The following DPYD variants were observed in gnomAD, a reference collection of about 807,000 sequenced individuals.
DPYD encodes the protein dihydropyrimidine dehydrogenase [NADP(+)].
In DPYD, 109 loss-of-function variants were observed where a neutral mutation model predicts 116.2. The observed-to-expected ratio is 0.94, with a 90% confidence interval of 0.80 to 1.10. DPYD has a LOEUF of 1.10. Among genes scored for constraint, DPYD ranks in the 50% least tolerant of loss-of-function variants. The pLI is 0.00. For synonymous variants in DPYD, 440 were observed against 432.0 expected (o/e 1.02, Z -0.23); for missense variants, 1,302 against 1,254.5 (o/e 1.04, Z -0.57).
chr1:97,349,005 G>A (rs11165844), intron 16 of DPYD, among the ~76,000 whole-genome samples: 1,743 of 152,230 alleles, frequency 0.011, 40 homozygotes, highest in African/African-American at 0.04. Flanking sequence ...ATATAACCTG[G>A]TGTCATTTTA....
intron 13 of DPYD, among the ~76,000 whole-genome samples, chr1:97,479,569 T>A (rs1482466519): frequency 6.6e-6 from 1 of 152,124 alleles, no homozygotes; most frequent in East Asian, 1.9e-4. Flanking sequence ...ACTAAAAAAG[T>A]TTGAAACATT....
intron 19 of DPYD, among the ~76,000 whole-genome samples, chr1:97,216,423 T>C (rs1195057893): frequency 1.3e-5 from 2 of 152,206 alleles, no homozygotes. Flanking sequence ...AGAACATTGA[T>C]GACGTGTTTT....
chr1:97,752,572 G>A (rs998827812), intron 3 of DPYD, among the ~76,000 whole-genome samples: 6 of 152,108 alleles, frequency 3.9e-5, no homozygotes, highest in African/African-American at 1.4e-4. Context: ...CACAGCTACA[G>A]CTGCAACACC....
intron 7 of DPYD, among the ~76,000 whole-genome samples, chr1:97,687,087 A>G (rs1385036919): frequency 6.6e-6 from 1 of 152,172 alleles, no homozygotes; most frequent in Non-Finnish European, 1.5e-5. Context: ...CCTGGCCAAC[A>G]TGGTAAAATC....
At chr1:97,300,444 TA>T (rs905400784) in intron 18 of DPYD, among the ~76,000 whole-genome samples, 26 of 152,090 alleles carry the variant, frequency 1.7e-4, no homozygotes, top group African/African-American at 5.3e-4. Context: ...GATTGACACA[TA>T]AAAAAATCCA....
At chr1:97,396,459 T>A (rs867217628) in intron 14 of DPYD, among the ~76,000 whole-genome samples, 1 of 152,062 alleles carries the variant, frequency 6.6e-6, no homozygotes, top group Non-Finnish European at 1.5e-5. Flanking sequence ...GCTAACCTTA[T>A]TTATATGATC....
chr1:97,452,553 C>T, intron 13 of DPYD, among the ~76,000 whole-genome samples: 1 of 152,034 alleles, frequency 6.6e-6, no homozygotes, highest in East Asian at 1.9e-4. Flanking sequence ...TATACCCCAC[C>T]CAAATCTCAT....
At chr1:97,493,741 C>T (rs984541897) in intron 13 of DPYD, among the ~76,000 whole-genome samples, 1 of 152,110 alleles carries the variant, frequency 6.6e-6, no homozygotes, top group African/African-American at 2.4e-5. Context: ...AAAAGAGGCC[C>T]ACAGCAAACC....
chr1:97,839,578 T>C (rs961267326), intron 2 of DPYD, among the ~76,000 whole-genome samples: 1 of 152,158 alleles, frequency 6.6e-6, no homozygotes, highest in Non-Finnish European at 1.5e-5. Flanking sequence ...TCCAAAAACT[T>C]CTCAATATTA....
intron 14 of DPYD, among the ~76,000 whole-genome samples, chr1:97,438,185 A>T (rs962370801): frequency 5.3e-5 from 8 of 152,002 alleles, no homozygotes; most frequent in Non-Finnish European, 1.0e-4. Flanking sequence ...TTTGTTCTTT[A>T]TCAATTGTTT....
At chr1:97,852,097 T>G (rs1359041336) in intron 2 of DPYD, among the ~76,000 whole-genome samples, 1 of 148,702 alleles carries the variant, frequency 6.7e-6, no homozygotes, top group East Asian at 2.0e-4. Flanking sequence ...AATGAAAGAA[T>G]GTGGAAATTA....
intron 7 of DPYD, among the ~76,000 whole-genome samples, chr1:97,679,453 C>T (rs1409231952): frequency 6.6e-6 from 1 of 152,122 alleles, no homozygotes; most frequent in Non-Finnish European, 1.5e-5. Context: ...ATAATATGTT[C>T]AAAGCACGAT....
At chr1:97,616,978 C>G (rs1199131831) in intron 8 of DPYD, among the ~76,000 whole-genome samples, 1 of 151,972 alleles carries the variant, frequency 6.6e-6, no homozygotes, top group African/African-American at 2.4e-5. Flanking sequence ...CTCCGCCTCC[C>G]GGGTTCAAGT....
chr1:97,708,952 G>C (rs1662134366), intron 5 of DPYD, among the ~76,000 whole-genome samples: 1 of 151,798 alleles, frequency 6.6e-6, no homozygotes, highest in African/African-American at 2.4e-5. Context: ...TATTGTAAAG[G>C]AAAGTGGCTG....
chr1:97,508,254 G>A (rs954648909), intron 13 of DPYD, among the ~76,000 whole-genome samples: 1 of 151,984 alleles, frequency 6.6e-6, no homozygotes, highest in African/African-American at 2.4e-5. Flanking sequence ...GCTTCTCTGA[G>A]GAGGTAACTT....
intron 3 of DPYD, among the ~76,000 whole-genome samples, chr1:97,813,334 T>C (rs1668423144): frequency 6.6e-6 from 1 of 152,082 alleles, no homozygotes; most frequent in Non-Finnish European, 1.5e-5. Context: ...TCAAGCAATA[T>C]TCCCTCCCAG....
chr1:97,373,055 G>A (rs1005641842), intron 16 of DPYD, among the ~76,000 whole-genome samples: 1 of 152,030 alleles, frequency 6.6e-6, no homozygotes, highest in African/African-American at 2.4e-5. Flanking sequence ...TAGTATGAAG[G>A]TTCCATTTAT....
At chr1:97,130,779 TTCCTTCCC>T (rs1337723371) in intron 20 of DPYD, among the ~76,000 whole-genome samples, 1 of 33,382 alleles carries the variant, frequency 3.0e-5, no homozygotes, top group Non-Finnish European at 6.0e-5. Flanking sequence ...CTTCCTTCCT[TTCCTTCCC>T]TCCTTCCCTC....
intron 8 of DPYD, among the ~76,000 whole-genome samples, chr1:97,595,514 A>G (rs1019914722): frequency 6.6e-6 from 1 of 151,934 alleles, no homozygotes. Flanking sequence ...AGCTACATTA[A>G]AGTACTAAAT....
Sources: gnomAD v4.1 joint callset for allele counts (sites outside exome capture counted in the v4.1 genomes callset) on GRCh38, gnomAD v4.1.1 for gene constraint, MANE v1.5 for transcripts, NCBI Gene and HGNC (gene_info 2026-07-23, HGNC 2026-07-21) for gene names.